GRM7: variants seen among roughly 807,000 people sequenced by gnomAD.
GRM7 encodes glutamate metabotropic receptor 7, also known as metabotropic glutamate receptor 7.
Under a neutral mutation model 84.5 loss-of-function variants are expected in GRM7, and 35 were observed. The observed-to-expected ratio is 0.41, with a 90% CI of 0.32 to 0.55. The LOEUF is 0.55. GRM7 is among the 20% of genes least tolerant of loss of function. GRM7 has a pLI of 0.19. For missense variants in GRM7, 1,003 were observed against 1,194.6 expected (o/e 0.84, Z 2.36); for synonymous variants, 487 against 455.1 (o/e 1.07, Z -0.89).
chr3:7,321,501 T>C (rs1700780088), intron 4 of GRM7, among the ~76,000 whole-genome samples: 1 of 152,106 alleles, frequency 6.6e-6, no homozygotes. Flanking sequence ...ATCTCTCTGC[T>C]GTGTGTTTTT....
At chr3:7,115,989 G>T (rs1693017908) in intron 1 of GRM7, among the ~76,000 whole-genome samples, 1 of 152,070 alleles carries the variant, frequency 6.6e-6, no homozygotes, top group Admixed American at 6.6e-5. Context: ...TCAAACCTTA[G>T]ATTCTTCCAG....
Position 7,452,558 on chromosome 3 carries a change from T to TTGTG in GRM7, c.1175-23_1175-20dup, listed in dbSNP as rs111752136. On this transcript the variant is annotated intron_variant, in intron 5 of 9. Coordinates refer to ENST00000357716, the MANE Select transcript of GRM7 (RefSeq NM_000844.4). ...TTTGGACATTCTACTCAATGCCAAT[T>TTGTG]TGTGTGTGTGTGTGTGTGTGTGTGT... The TTGTG allele has an allele frequency of 6.3e-3, 6,298 of 1,006,836 alleles. 10 individuals are homozygous for TTGTG. Among genetic ancestry groups the TTGTG allele is most frequent in the East Asian group, 0.026 (1,015 of 39,702 alleles). 62.4% of individuals were successfully genotyped at this position (1,006,836 alleles called of 1,614,324 possible).
At chr3:7,719,664 T>C (rs1488136671) in intron 9 of GRM7, among the ~76,000 whole-genome samples, 1 of 151,832 alleles carries the variant, frequency 6.6e-6, no homozygotes, top group Non-Finnish European at 1.5e-5. Context: ...TGCAAAAAAT[T>C]AGCCTGGCGT....
At chr3:7,041,071 C>A (rs1159222520) in intron 1 of GRM7, among the ~76,000 whole-genome samples, 5 of 143,842 alleles carry the variant, frequency 3.5e-5, no homozygotes, top group Non-Finnish European at 6.0e-5. Context: ...CAGAGTGAGA[C>A]CCTGTCTCAA....
At chr3:7,097,920 T>C (rs1698913159) in intron 1 of GRM7, among the ~76,000 whole-genome samples, 1 of 152,132 alleles carries the variant, frequency 6.6e-6, no homozygotes, top group Admixed American at 6.6e-5. Flanking sequence ...CCACTGAATC[T>C]CGTTGAGGAG....
intron 5 of GRM7, among the ~76,000 whole-genome samples, chr3:7,435,411 C>G (rs372484270): frequency 1.3e-5 from 2 of 152,082 alleles, no homozygotes; most frequent in African/African-American, 4.8e-5. Context: ...CCACCGTGGC[C>G]TCCCAAAGTG....
intron 7 of GRM7, among the ~76,000 whole-genome samples, chr3:7,541,241 A>G (rs538290698): frequency 1.2e-3 from 177 of 152,212 alleles, no homozygotes; most frequent in African/African-American, 4.2e-3. Context: ...TATTTTTCTT[A>G]GTCAAAATAG....
rs2125052833 is a variant in GRM7 at position 7,578,785 on chromosome 3, G to A, written c.1879G>A (p.Glu627Lys). The change falls in exon 8 of 10, where the codon GAA becomes AAA. Residue 627 changes from glutamate (E) to lysine (K), a missense_variant. Physicochemically the swap from Glu to Lys is moderately conservative, Grantham distance 56. Coordinates refer to ENST00000357716, the MANE Select transcript of GRM7 (RefSeq NM_000844.4). ...DTPIVRASGR[E>K]LSYVLLTGIF... is the part of the protein sequence containing the mutation. ...GCCCATTGTCCGGGCATCTGGGCGGGAACTCAGCTATGTTCTTTTGACGGG... is the reference window on the plus strand; with the variant it reads ...GCCCATTGTCCGGGCATCTGGGCGGAAACTCAGCTATGTTCTTTTGACGGG... 6.2e-7 allele frequency: 1 copy of A among 1,614,120 alleles called. No individual in the cohort carries two copies. Among genetic ancestry groups the A allele is most frequent in the Non-Finnish European group, 8.5e-7 (1 of 1,180,018 alleles).
chr3:7,665,069 G>A lies in GRM7; in HGVS notation c.2452-14980G>A, dbSNP rs1326543631. On this transcript the variant is annotated intron_variant, in intron 8 of 9. Coordinates refer to ENST00000357716, the MANE Select transcript of GRM7 (RefSeq NM_000844.4). ...CCTGGGTGTGTTTGCACTATTGGTG[G>A]AAAAGATAGCAATGACACATTCTCT... is the stretch of plus-strand genomic sequence containing the variant. 2.6e-5 allele frequency among the ~76,000 whole-genome samples: 4 copies of A among 152,002 alleles called. No individual in the cohort carries two copies. In the South Asian group the frequency reaches 6.2e-4, roughly 24 times the overall value.
chr3:6,932,946 A>G (rs1329171812), intron 1 of GRM7, among the ~76,000 whole-genome samples: 1 of 151,496 alleles, frequency 6.6e-6, no homozygotes. Flanking sequence ...ATAGAGTCGG[A>G]GTTTCACCAT....
intron 1 of GRM7, among the ~76,000 whole-genome samples, chr3:7,134,575 A>C (rs910457820): frequency 2.6e-5 from 4 of 152,114 alleles, no homozygotes. Context: ...ATTGGTCTGG[A>C]TCAGGCCATA....
At chr3:6,970,212 AG>A (rs371956207) in intron 1 of GRM7, among the ~76,000 whole-genome samples, 2 of 8,154 alleles carry the variant, frequency 2.5e-4, no homozygotes, top group Admixed American at 2.3e-3. Context: ...AACTGCTCCA[AG>A]ACTTTCCCTT....
At chr3:7,334,461 A>G (rs11917694) in intron 4 of GRM7, among the ~76,000 whole-genome samples, 37,266 of 147,896 alleles carry the variant, frequency 0.25, 4,804 homozygotes, top group South Asian at 0.34. Flanking sequence ...CCCAAAGCAT[A>G]AATCTCACAG....
At chr3:7,082,699 G>C (rs1698312120) in intron 1 of GRM7, among the ~76,000 whole-genome samples, 1 of 152,140 alleles carries the variant, frequency 6.6e-6, no homozygotes, top group Non-Finnish European at 1.5e-5. Context: ...ATGCCATTAA[G>C]AACATTCATA....
At chr3:7,233,464 T>C (rs1187172354) in intron 2 of GRM7, among the ~76,000 whole-genome samples, 1 of 152,138 alleles carries the variant, frequency 6.6e-6, no homozygotes, top group Admixed American at 6.6e-5. Context: ...TCATGTAAAG[T>C]TATGATTATG....
intron 2 of GRM7, among the ~76,000 whole-genome samples, chr3:7,175,077 G>GA (rs1695102000): frequency 6.6e-6 from 1 of 152,192 alleles, no homozygotes; most frequent in African/African-American, 2.4e-5. Flanking sequence ...AAAAGGAGAT[G>GA]AATGGAGAAA....
chr3:7,098,220 C>T (rs1392366513), intron 1 of GRM7, among the ~76,000 whole-genome samples: 1 of 151,926 alleles, frequency 6.6e-6, no homozygotes. Flanking sequence ...TAATGTATAG[C>T]ATTTTGAATA....
chr3:7,355,539 G>A (rs980423331), intron 4 of GRM7, among the ~76,000 whole-genome samples: 3 of 152,046 alleles, frequency 2.0e-5, no homozygotes, highest in South Asian at 2.1e-4. Context: ...AAGAACTGCC[G>A]TCATTTGCAC....
At chr3:7,618,907 A>C (rs1697235647) in intron 8 of GRM7, among the ~76,000 whole-genome samples, 1 of 152,144 alleles carries the variant, frequency 6.6e-6, no homozygotes, top group African/African-American at 2.4e-5. Context: ...AAGAATGTAA[A>C]TATTTAATGA....
Sources: allele counts gnomAD v4.1 joint callset (sites outside exome capture counted in the v4.1 genomes callset), GRCh38; gene constraint gnomAD v4.1.1; transcripts MANE v1.5; gene names NCBI Gene and HGNC (gene_info 2026-07-23, HGNC 2026-07-21).